PLCL2: variants seen among roughly 807,000 people sequenced by gnomAD.
PLCL2 encodes inactive phospholipase C-like protein 2.
In PLCL2, 4 loss-of-function variants were observed where a neutral mutation model predicts 79.6. That is an observed-to-expected ratio of 0.05 (90% CI 0.02 to 0.11). PLCL2 has a LOEUF of 0.11. PLCL2 is among the 10% of genes least tolerant of loss of function. The pLI is 1.00. For missense variants in PLCL2, 895 were observed against 1,291.0 expected, an observed-to-expected ratio of 0.69 and a Z score of 4.70; for synonymous variants, 484 against 457.7, an observed-to-expected ratio of 1.06 and a Z score of -0.73.
chr3:16,975,068 C>G (rs1203420691), intron 1 of PLCL2, among the ~76,000 whole-genome samples: 1 of 152,160 alleles, frequency 6.6e-6, no homozygotes, highest in African/African-American at 2.4e-5. Context: ...TCTGGCCTTT[C>G]TAGAAGAGGC....
chr3:16,960,086 C>G (rs2063741449), intron 1 of PLCL2, among the ~76,000 whole-genome samples: 1 of 152,000 alleles, frequency 6.6e-6, no homozygotes, highest in Non-Finnish European at 1.5e-5. Context: ...GCGTGGGCGA[C>G]AGAGGAAGAC....
intron 1 of PLCL2, among the ~76,000 whole-genome samples, chr3:16,996,637 G>C (rs2064156094): frequency 6.6e-6 from 1 of 151,938 alleles, no homozygotes; most frequent in African/African-American, 2.4e-5. Flanking sequence ...TTTGAGGAAA[G>C]AGCTGAAAAA....
At chr3:16,912,890 C>T (rs1251357805) in intron 1 of PLCL2, among the ~76,000 whole-genome samples, 1 of 152,148 alleles carries the variant, frequency 6.6e-6, no homozygotes, top group Non-Finnish European at 1.5e-5. Flanking sequence ...TCTCATCATC[C>T]CCCACATCTG....
chr3:16,984,670 C>T (rs534721960), intron 1 of PLCL2, among the ~76,000 whole-genome samples: 42 of 152,256 alleles, frequency 2.8e-4, no homozygotes, highest in African/African-American at 8.9e-4. Flanking sequence ...CGCTGGCTCA[C>T]GCCTGTAATC....
intron 4 of PLCL2, among the ~76,000 whole-genome samples, chr3:17,061,999 C>T (rs1430183627): frequency 6.6e-6 from 1 of 152,148 alleles, no homozygotes; most frequent in Non-Finnish European, 1.5e-5. Context: ...GGCAGGTTTC[C>T]TCATGGTTAA....
At chr3:17,076,780 G>A (rs112573314) in intron 5 of PLCL2, among the ~76,000 whole-genome samples, 3 of 152,196 alleles carry the variant, frequency 2.0e-5, no homozygotes, top group African/African-American at 4.8e-5. Flanking sequence ...AAGAATTACC[G>A]CACTCAGCCG....
chr3:17,053,083 C>T (rs952639746), intron 4 of PLCL2, among the ~76,000 whole-genome samples: 1 of 152,070 alleles, frequency 6.6e-6, no homozygotes, highest in Admixed American at 6.6e-5. Context: ...AGCCTTATAA[C>T]TTTTTGTTTT....
At chr3:16,997,517 A>T (rs1187488072) in intron 1 of PLCL2, among the ~76,000 whole-genome samples, 1 of 148,618 alleles carries the variant, frequency 6.7e-6, no homozygotes, top group Non-Finnish European at 1.5e-5. Flanking sequence ...CTCCACATAC[A>T]CATTAATTTC....
intron 1 of PLCL2, among the ~76,000 whole-genome samples, chr3:16,980,869 TCCGTCTG>T (rs2063985961): frequency 6.6e-6 from 1 of 152,184 alleles, no homozygotes; most frequent in Non-Finnish European, 1.5e-5. Context: ...TGAACGAGAC[TCCGTCTG>T]CAATCCCGGC....
At chr3:16,895,118 A>G (rs1192582802) in intron 1 of PLCL2, among the ~76,000 whole-genome samples, 4 of 152,004 alleles carry the variant, frequency 2.6e-5, no homozygotes, top group Admixed American at 2.6e-4. Context: ...ATATAGATAT[A>G]TGTTGAAACA....
chr3:17,028,172 T>C (rs1337415593), intron 3 of PLCL2, among the ~76,000 whole-genome samples: 1 of 152,144 alleles, frequency 6.6e-6, no homozygotes, highest in African/African-American at 2.4e-5. Flanking sequence ...TGGGTAGAGT[T>C]AGTGAGCAGC....
intron 5 of PLCL2, among the ~76,000 whole-genome samples, chr3:17,085,480 C>T (rs901580293): frequency 3.4e-5 from 5 of 148,682 alleles, no homozygotes; most frequent in East Asian, 2.0e-4. Flanking sequence ...GACAGAGTGT[C>T]GCTCTTGTTG....
intron 1 of PLCL2, among the ~76,000 whole-genome samples, chr3:16,903,999 A>G (rs890190762): frequency 1.3e-5 from 2 of 152,178 alleles, no homozygotes; most frequent in African/African-American, 4.8e-5. Flanking sequence ...AGCTTTTGTG[A>G]TCTTTTTTCA....
At chr3:17,004,132 G>A (rs754794447) in intron 1 of PLCL2, among the ~76,000 whole-genome samples, 1 of 152,016 alleles carries the variant, frequency 6.6e-6, no homozygotes, top group Non-Finnish European at 1.5e-5. Context: ...TTGAAATTCC[G>A]TTCCCTTGGT....
chr3:17,083,716 G>A (rs2065187025), intron 5 of PLCL2, among the ~76,000 whole-genome samples: 1 of 152,176 alleles, frequency 6.6e-6, no homozygotes, highest in Non-Finnish European at 1.5e-5. Context: ...GTGACACTAG[G>A]ACCTACTGAC....
intron 1 of PLCL2, among the ~76,000 whole-genome samples, chr3:16,980,701 A>G (rs1011204449): frequency 1.3e-5 from 2 of 149,790 alleles, no homozygotes; most frequent in Non-Finnish European, 3.0e-5. Flanking sequence ...ATGGGCGGCC[A>G]GGCGGAGACG....
intron 1 of PLCL2, among the ~76,000 whole-genome samples, chr3:16,935,650 T>C (rs1697521459): frequency 6.6e-6 from 1 of 152,188 alleles, no homozygotes; most frequent in Non-Finnish European, 1.5e-5. Context: ...TTTATGCATT[T>C]GTGTGGCAGA....
rs1330827947 is a variant in PLCL2, at chr3:16,885,033, G to A, written c.-7G>A. 6.0e-6 allele frequency: 2 copies of A among 335,550 alleles called. No homozygotes were observed. Among genetic ancestry groups the A allele is most frequent in the East Asian group, 9.0e-5 (2 of 22,244 alleles). 20.8% of individuals were successfully genotyped at this position (335,550 alleles called of 1,614,324 possible). A position where few individuals can be genotyped will look rare whatever the true frequency, so the allele number is the denominator to read the frequency against. On this transcript the variant is annotated 5_prime_UTR_variant, in exon 1 of 6. Transcript: ENST00000615277. ...GCGGCTTTGTGCAGGCGGGTCGCGGGGCGCCCATGGCGGAGTGCGGCCGGG... is the reference window on the plus strand; with the variant it reads ...GCGGCTTTGTGCAGGCGGGTCGCGGAGCGCCCATGGCGGAGTGCGGCCGGG...
intron 1 of PLCL2, among the ~76,000 whole-genome samples, chr3:16,978,324 C>G (rs1441932906): frequency 6.6e-6 from 1 of 152,210 alleles, no homozygotes; most frequent in Admixed American, 6.5e-5. Context: ...GATATTGTGA[C>G]TTATGTATCT....
Sources: allele counts gnomAD v4.1 joint callset (sites outside exome capture counted in the v4.1 genomes callset), GRCh38; gene constraint gnomAD v4.1.1; transcripts MANE v1.5; gene names NCBI Gene and HGNC (gene_info 2026-07-23, HGNC 2026-07-21).